Variants in LNX2 observed in about 807,000 individuals in gnomAD.
LNX2 encodes ligand of numb-protein X 2.
In LNX2, 35 loss-of-function variants were observed where a neutral mutation model predicts 66.2. The ratio of observed to expected loss-of-function variants is 0.53; its 90% CI spans 0.40 to 0.70. The LOEUF (loss-of-function observed/expected upper bound fraction) is 0.70. LNX2 is among the 30% of genes least tolerant of loss of function. The probability of loss-of-function intolerance (pLI) is 0.00; values close to 1 mark genes in which losing one functional copy is unlikely to be tolerated. For missense variants in LNX2, 791 were observed against 850.8 expected (o/e 0.93, Z 0.87); for synonymous variants, 337 against 315.6 (o/e 1.07, Z -0.72).
At chr13:27,568,899 A>C in intron 3 of LNX2, 130 bp downstream of exon 3, 1 of 938,282 alleles carries the variant, frequency 1.1e-6, no homozygotes, top group Non-Finnish European at 1.5e-6. Flanking sequence ...TATCTCAATG[A>C]AGTTTCTTTT....
chr13:27,590,141 G>A lies in LNX2; in HGVS notation c.-100-8338C>T, dbSNP rs373498673. ...ATTTTTTTGTATTTTTAGTAGAGAC[G>A]GGGTTTCACCATGTTAGCCAGGTTT... On this transcript the variant is annotated intron_variant, in intron 1 of 9. Coordinates refer to ENST00000316334, the MANE Select transcript of LNX2 (RefSeq NM_153371.4). 4.9e-4 allele frequency among the ~76,000 whole-genome samples: 75 copies of A among 152,174 alleles called. No individual in the cohort carries two copies. The East Asian group carries it at 7.1e-3, about 15-fold the overall frequency.
chr13:27,581,273 A>G (rs2138393630), intron 2 of LNX2, 24 bp downstream of exon 2: 1 of 1,455,490 alleles, frequency 6.9e-7, no homozygotes, highest in African/African-American at 1.4e-5. Context: ...ATCTGGAGTT[A>G]CTTCTTTTAT....
chr13:27,615,743 GA>G (rs1955819222), intron 1 of LNX2, among the ~76,000 whole-genome samples: 2 of 152,174 alleles, frequency 1.3e-5, no homozygotes, highest in African/African-American at 4.8e-5. Flanking sequence ...CAACATCACA[GA>G]AGCTTAATCA....
At chr13:27,600,671 T>G (rs1687028509) in intron 1 of LNX2, among the ~76,000 whole-genome samples, 1 of 152,180 alleles carries the variant, frequency 6.6e-6, no homozygotes, top group Non-Finnish European at 1.5e-5. Context: ...TTCCTCTAGA[T>G]TGGGTTCATT....
intron 8 of LNX2, among the ~76,000 whole-genome samples, chr13:27,551,274 C>T (rs1458581106): frequency 6.6e-6 from 1 of 151,340 alleles, no homozygotes; most frequent in Non-Finnish European, 1.5e-5. Context: ...AAGACCCCAT[C>T]TTTAAAAAAA....
chr13:27,577,046 A>G (rs943663111), intron 2 of LNX2, among the ~76,000 whole-genome samples: 2 of 152,200 alleles, frequency 1.3e-5, no homozygotes, highest in Non-Finnish European at 2.9e-5. Context: ...TATATCTGGT[A>G]AGGGTCTAGT....
At chr13:27,579,003 C>T (rs1200793912) in intron 2 of LNX2, among the ~76,000 whole-genome samples, 1 of 152,170 alleles carries the variant, frequency 6.6e-6, no homozygotes, top group Non-Finnish European at 1.5e-5. Flanking sequence ...CATGAGATGA[C>T]TGTCAACTTT....
chr13:27,558,695 ATTAT>A (rs1441949918), intron 6 of LNX2, among the ~76,000 whole-genome samples: 1 of 152,132 alleles, frequency 6.6e-6, no homozygotes, highest in East Asian at 1.9e-4. Flanking sequence ...TTCCACAGTC[ATTAT>A]TTAAAGGCAA....
At chr13:27,607,450 A>G (rs1168572375) in intron 1 of LNX2, among the ~76,000 whole-genome samples, 3 of 152,254 alleles carry the variant, frequency 2.0e-5, no homozygotes, top group Non-Finnish European at 4.4e-5. Context: ...GTTCTTTATA[A>G]GGTAACACAG....
chr13:27,581,251 C>T (rs374439662), intron 2 of LNX2, 46 bp downstream of exon 2: 7 of 1,426,900 alleles, frequency 4.9e-6, no homozygotes, highest in Non-Finnish European at 6.5e-6. Flanking sequence ...ATTTGAACCA[C>T]CTTTTTCCAA....
At chr13:27,577,990 A>C (rs554198025) in intron 2 of LNX2, among the ~76,000 whole-genome samples, 100 of 152,342 alleles carry the variant, frequency 6.6e-4, no homozygotes, top group African/African-American at 2.3e-3. Flanking sequence ...GTTCAAAGAT[A>C]GAGACTGTCC....
At chr13:27,583,261 C>CGCGCGCGCGCGCGCGCGCGCGTGT (rs11281345) in intron 1 of LNX2, among the ~76,000 whole-genome samples, 1 of 45,480 alleles carries the variant, frequency 2.2e-5, no homozygotes, top group Admixed American at 2.2e-4. Context: ...TGTGTGCGCG[C>CGCGCGCGCGCGCGCGCGCGCGTGT]GTCCTCTCCA....
intron 5 of LNX2, among the ~76,000 whole-genome samples, chr13:27,561,469 T>G (rs1298423329): frequency 2.6e-5 from 4 of 152,230 alleles, no homozygotes; most frequent in Non-Finnish European, 5.9e-5. Flanking sequence ...TAGGTCCTAA[T>G]GTTGCCTTTG....
chr13:27,580,242 T>C (rs1198009064), intron 2 of LNX2, among the ~76,000 whole-genome samples: 1 of 152,090 alleles, frequency 6.6e-6, no homozygotes, highest in African/African-American at 2.4e-5. Context: ...ACAGTAAAGC[T>C]TGAGTCTAAC....
rs1566124653 is a variant in LNX2 at position 27,583,205 on chromosome 13, T to TGCGC, written c.-100-1403_-100-1402insGCGC. 2.7e-4 allele frequency among the ~76,000 whole-genome samples: 6 copies of TGCGC among 22,076 alleles called. 1 individual carries two copies. The highest frequency in any genetic ancestry group is 1.1e-3 in the East Asian group (1 of 938). The allele number at this position is 22,076 out of a possible 152,430, so 14.5% of individuals were successfully genotyped here. A position where few individuals can be genotyped will look rare whatever the true frequency, so the allele number is the denominator to read the frequency against. On this transcript the variant is annotated intron_variant, in intron 1 of 9. Coordinates refer to ENST00000316334, the MANE Select transcript of LNX2 (RefSeq NM_153371.4). ...GTGTGTGTGTGTGTGTGTGTGTGTG[T>TGCGC]GTGTGTGTGTGTGTGTGTGTGTGTG...
chr13:27,592,468 A>C (rs1955554559), intron 1 of LNX2, among the ~76,000 whole-genome samples: 1 of 152,208 alleles, frequency 6.6e-6, no homozygotes, highest in African/African-American at 2.4e-5. Flanking sequence ...GGGTATGCTC[A>C]AGCTGGAATA....
chr13:27,588,495 T>A (rs1955516467), intron 1 of LNX2, among the ~76,000 whole-genome samples: 1 of 152,016 alleles, frequency 6.6e-6, no homozygotes, highest in Non-Finnish European at 1.5e-5. Flanking sequence ...GGATTAGAGG[T>A]TGCCAAGGAT....
chr13:27,582,851 C>A (rs1955416677), intron 1 of LNX2, among the ~76,000 whole-genome samples: 1 of 151,990 alleles, frequency 6.6e-6, no homozygotes, highest in African/African-American at 2.4e-5. Flanking sequence ...TGTAACAAAC[C>A]TGCACGTTCT....
At chr13:27,614,086 G>A (rs71433235) in intron 1 of LNX2, among the ~76,000 whole-genome samples, 14,883 of 152,136 alleles carry the variant, frequency 0.098, 1,005 homozygotes, top group Non-Finnish European at 0.14. Context: ...AATTATTCCT[G>A]GGCTTAAACC....
Sources: allele counts gnomAD v4.1 joint callset (sites outside exome capture counted in the v4.1 genomes callset), GRCh38; gene constraint gnomAD v4.1.1; transcripts MANE v1.5; gene names NCBI Gene and HGNC (gene_info 2026-07-23, HGNC 2026-07-21).